Variants in CNTN5 observed in about 807,000 individuals in gnomAD.
CNTN5 encodes contactin 5.
CNTN5 carries 77 observed loss-of-function variants against 129.1 expected under a neutral mutation model. The ratio of observed to expected loss-of-function variants is 0.60; its 90% CI spans 0.50 to 0.72. The LOEUF is 0.72. CNTN5 is among the 30% of genes least tolerant of loss of function. The probability of loss-of-function intolerance (pLI) is 0.00; values close to 1 mark genes in which losing one functional copy is unlikely to be tolerated. For missense variants in CNTN5, 1,478 were observed against 1,328.8 expected (o/e 1.11, Z -1.75); for synonymous variants, 509 against 465.6 (o/e 1.09, Z -1.20).
chr11:99,859,191 A>G (rs1021154018), intron 6 of CNTN5, among the ~76,000 whole-genome samples: 16 of 152,226 alleles, frequency 1.1e-4, no homozygotes, highest in Admixed American at 7.2e-4. Flanking sequence ...TATGCTTAGT[A>G]TTCTCACAAT....
intron 21 of CNTN5, chr11:100,309,106 T>C (rs1054817912): frequency 1.1e-5 from 11 of 985,002 alleles, no homozygotes; most frequent in Admixed American, 6.2e-5. Context: ...ACACAGCTCT[T>C]GTTCTTGTTC....
At chr11:99,218,506 C>A (rs145568243) in intron 1 of CNTN5, among the ~76,000 whole-genome samples, 81 of 152,170 alleles carry the variant, frequency 5.3e-4, no homozygotes, top group African/African-American at 1.9e-3. Context: ...AACGAGGACA[C>A]TTTAGAATGT....
chr11:99,130,996 C>G (rs1858903032), intron 1 of CNTN5, among the ~76,000 whole-genome samples: 1 of 152,022 alleles, frequency 6.6e-6, no homozygotes, highest in African/African-American at 2.4e-5. Flanking sequence ...GGTGCGGTGG[C>G]TCACCCCTGT....
intron 8 of CNTN5, among the ~76,000 whole-genome samples, chr11:99,960,792 G>C (rs1359587788): frequency 6.6e-6 from 1 of 152,074 alleles, no homozygotes; most frequent in Non-Finnish European, 1.5e-5. Context: ...GAAATGAGAA[G>C]AGAAGTGACT....
At chr11:100,232,083 G>T (rs180867640) in intron 16 of CNTN5, among the ~76,000 whole-genome samples, 1 of 152,120 alleles carries the variant, frequency 6.6e-6, no homozygotes, top group East Asian at 1.9e-4. Context: ...GAACCTGGGA[G>T]GGGGAGGTTG....
intron 3 of CNTN5, among the ~76,000 whole-genome samples, chr11:99,654,964 T>C (rs1214138688): frequency 2.0e-5 from 3 of 152,070 alleles, no homozygotes; most frequent in Non-Finnish European, 2.9e-5. Flanking sequence ...TCTCAACTTA[T>C]ATGGGTTTAG....
At chr11:100,042,695 A>G (rs1942450034) in intron 9 of CNTN5, among the ~76,000 whole-genome samples, 1 of 152,264 alleles carries the variant, frequency 6.6e-6, no homozygotes, top group African/African-American at 2.4e-5. Context: ...ACTTTCAAGA[A>G]CTACATTTGG....
intron 18 of CNTN5, among the ~76,000 whole-genome samples, chr11:100,289,507 A>G (rs542170108): frequency 6.6e-6 from 1 of 152,008 alleles, no homozygotes; most frequent in African/African-American, 2.4e-5. Flanking sequence ...AAAGACAAAA[A>G]CCACATGATT....
At chr11:99,972,091 A>T (rs1340904349) in intron 8 of CNTN5, among the ~76,000 whole-genome samples, 1 of 108,072 alleles carries the variant, frequency 9.3e-6, no homozygotes, top group African/African-American at 4.5e-5. Context: ...CTATTAAAAA[A>T]AAAAAAAAAA....
chr11:99,574,943 G>T (rs529145268), intron 3 of CNTN5, among the ~76,000 whole-genome samples: 3 of 152,076 alleles, frequency 2.0e-5, no homozygotes, highest in South Asian at 2.1e-4. Context: ...AATGAAAAAT[G>T]GTACATTTTT....
At chr11:99,737,142 C>T (rs573394560) in intron 3 of CNTN5, among the ~76,000 whole-genome samples, 1 of 144,402 alleles carries the variant, frequency 6.9e-6, no homozygotes, top group African/African-American at 2.9e-5. Context: ...CACACACACA[C>T]AAACACACAC....
chr11:100,219,058 C>A (rs1043896680), intron 15 of CNTN5, among the ~76,000 whole-genome samples: 2 of 152,102 alleles, frequency 1.3e-5, no homozygotes, highest in African/African-American at 4.8e-5. Context: ...ATATAAGGCA[C>A]ACAAAAAGAG....
chr11:100,340,327 G>A, intron 21 of CNTN5, 136 bp from the exon 22 acceptor site: 1 of 612,698 alleles, frequency 1.6e-6, no homozygotes, highest in Non-Finnish European at 2.9e-6. Flanking sequence ...AGTAAGACCT[G>A]TTAATTGGGT....
At chr11:99,076,454 A>G (rs1000526195) in intron 1 of CNTN5, among the ~76,000 whole-genome samples, 32 of 152,002 alleles carry the variant, frequency 2.1e-4, no homozygotes, top group Non-Finnish European at 2.2e-4. Flanking sequence ...CCACAAATAC[A>G]CACACACACA....
chr11:99,619,435 T>A (rs541515869), intron 3 of CNTN5, among the ~76,000 whole-genome samples: 3 of 152,266 alleles, frequency 2.0e-5, no homozygotes, highest in Admixed American at 2.0e-4. Context: ...AAATTGACCA[T>A]TTTATGATTT....
At chr11:100,096,147 G>C (rs572345047) in intron 13 of CNTN5, among the ~76,000 whole-genome samples, 1 of 151,956 alleles carries the variant, frequency 6.6e-6, no homozygotes, top group East Asian at 1.9e-4. Context: ...AGTAATTTTT[G>C]AACAAGAAAC....
chr11:99,280,861 TTAA>T (rs1435944410), intron 1 of CNTN5, among the ~76,000 whole-genome samples: 1 of 151,752 alleles, frequency 6.6e-6, no homozygotes, highest in Non-Finnish European at 1.5e-5. Flanking sequence ...CACCAAGTTA[TTAA>T]TAATTATTAG....
chr11:100,193,736 T>C, intron 15 of CNTN5, 73 bp downstream of exon 15: 4 of 1,373,940 alleles, frequency 2.9e-6, no homozygotes, highest in Non-Finnish European at 3.0e-6. Context: ...AGACCTTGCT[T>C]AGCTATGAAG....
chr11:100,352,117 G>A (rs1340874404), intron 24 of CNTN5, among the ~76,000 whole-genome samples: 1 of 151,482 alleles, frequency 6.6e-6, no homozygotes, highest in South Asian at 2.1e-4. Flanking sequence ...TCATCACCCA[G>A]GTATTAAGCC....
Sources: allele counts gnomAD v4.1 joint callset (sites outside exome capture counted in the v4.1 genomes callset), GRCh38; gene constraint gnomAD v4.1.1; transcripts MANE v1.5; gene names NCBI Gene and HGNC (gene_info 2026-07-23, HGNC 2026-07-21).